The following PPFIA1 variants were observed in gnomAD, a reference collection of about 807,000 sequenced individuals.
The protein encoded by PPFIA1 is liprin-alpha-1.
A neutral mutation model predicts 149.9 loss-of-function variants in PPFIA1; 25 were observed. The ratio of observed to expected loss-of-function variants is 0.17; its 90% confidence interval spans 0.12 to 0.23. PPFIA1 has a LOEUF of 0.23. Ranked by LOEUF, PPFIA1 falls within the 10% of genes least tolerant of loss-of-function variation. The pLI, the probability that PPFIA1 is intolerant of heterozygous loss-of-function variation, is 1.00. For synonymous variants in PPFIA1, 549 were observed against 552.8 expected, an observed-to-expected ratio of 0.99 and a Z score of 0.10; for missense variants, 1,362 against 1,506.5, an observed-to-expected ratio of 0.90 and a Z score of 1.59.
intron 2 of PPFIA1, among the ~76,000 whole-genome samples, chr11:70,323,074 T>C (rs1280474977): frequency 6.6e-6 from 1 of 152,360 alleles, no homozygotes; most frequent in East Asian, 1.9e-4. Flanking sequence ...TCTGGAGGGC[T>C]CCTGCAGCAA....
At chr11:70,306,568 A>G (rs1167384061) in intron 2 of PPFIA1, among the ~76,000 whole-genome samples, 5 of 152,242 alleles carry the variant, frequency 3.3e-5, no homozygotes, top group African/African-American at 2.4e-5. Context: ...GTTTTGTTGT[A>G]TAAATGCTTG....
At chr11:70,354,561 C>A in intron 17 of PPFIA1, 109 bp downstream of exon 17, 1 of 1,215,056 alleles carries the variant, frequency 8.2e-7, no homozygotes, top group Non-Finnish European at 1.1e-6. Flanking sequence ...GTAGAATTAC[C>A]CATTAATTCA....
intron 5 of PPFIA1, among the ~76,000 whole-genome samples, chr11:70,325,802 A>G (rs928878290): frequency 1.3e-5 from 2 of 151,904 alleles, no homozygotes; most frequent in Non-Finnish European, 2.9e-5. Context: ...GAGTTGTGGC[A>G]TGTTCCTTTA....
intron 9 of PPFIA1, among the ~76,000 whole-genome samples, chr11:70,332,668 G>A (rs1384504314): frequency 1.3e-5 from 2 of 152,258 alleles, no homozygotes; most frequent in African/African-American, 4.8e-5. Flanking sequence ...AGCAGCTAAA[G>A]AGGCAAATGC....
At chr11:70,333,442 C>T (rs377638092) in intron 9 of PPFIA1, 28 bp from the exon 10 acceptor site, 72 of 1,564,878 alleles carry the variant, frequency 4.6e-5, no homozygotes, top group Admixed American at 2.2e-4. Flanking sequence ...GTAAGGATGA[C>T]GTCAGCGTAC....
intron 19 of PPFIA1, among the ~76,000 whole-genome samples, chr11:70,357,743 A>G (rs992463632): frequency 5.3e-5 from 8 of 151,950 alleles, no homozygotes; most frequent in Non-Finnish European, 8.8e-5. Context: ...GCCCGCCACC[A>G]CACCCGGCTA....
At chr11:70,306,894 T>C (rs1178602112) in intron 2 of PPFIA1, among the ~76,000 whole-genome samples, 1 of 152,192 alleles carries the variant, frequency 6.6e-6, no homozygotes, top group Admixed American at 6.5e-5. Flanking sequence ...CAGTGAAACG[T>C]CAGAATCCTT....
chr11:70,355,891 G>A (rs1334071852), intron 18 of PPFIA1, 80 bp downstream of exon 18: 16 of 1,513,592 alleles, frequency 1.1e-5, no homozygotes, highest in East Asian at 6.8e-5. Flanking sequence ...CAGTTCCCAC[G>A]CGGTGCTCCA....
intron 14 of PPFIA1, among the ~76,000 whole-genome samples, chr11:70,340,696 G>A (rs1000644334): frequency 9.9e-5 from 15 of 152,042 alleles, no homozygotes; most frequent in African/African-American, 2.2e-4. Context: ...ACAAACAGTC[G>A]ACAGATAGAG....
chr11:70,315,735 A>G (rs1469847664), intron 2 of PPFIA1, among the ~76,000 whole-genome samples: 1 of 132,328 alleles, frequency 7.6e-6, no homozygotes, highest in Non-Finnish European at 1.5e-5. Context: ...TAAAAATACC[A>G]TCATAACCAT....
At chr11:70,348,554 A>G in intron 16 of PPFIA1, 134 bp downstream of exon 16, 1 of 762,158 alleles carries the variant, frequency 1.3e-6, no homozygotes, top group Non-Finnish European at 2.1e-6. Context: ...AAAACTAGTT[A>G]CTATTTAATC....
rs778116748 is a variant in PPFIA1, at chr11:70,326,353, C to T, written c.698C>T (p.Thr233Met). 5.1e-5 allele frequency: 82 copies of T among 1,598,254 alleles called. No homozygotes were observed. Among genetic ancestry groups the T allele is most frequent in the Non-Finnish European group, 6.7e-5 (78 of 1,167,864 alleles). ...CATGAACAAGAAAATACACCAAGCA[C>T]GAGTGGAAAGGCAAGTCTGTAGGCT... ...INHEQENTPS[T>M]SGKRSSDGSL... The change falls in exon 6 of 28, where the codon ACG (threonine) becomes ATG (methionine). Residue 233 changes from threonine (T) to methionine (M), a missense_variant. By Grantham distance (81) the Thr-to-Met change is moderately conservative (BLOSUM62 -1). This residue lies in a region of PPFIA1 where 733 missense variants were observed against 744.1 expected (regional missense o/e 0.99). Coordinates refer to ENST00000253925, the MANE Select transcript of PPFIA1 (RefSeq NM_003626.5).
rs539308630 is a variant in PPFIA1 at position 70,320,135 on chromosome 11, G to A, written c.265-4267G>A. 6.6e-5 allele frequency: 10 copies of A among 152,312 alleles called. No individual in the cohort carries two copies. In the East Asian group the frequency reaches 1.7e-3, roughly 26 times the overall value. 9.4% of individuals were successfully genotyped at this position (152,312 alleles called of 1,614,324 possible). ...ATTTCTTGAAAGAACTGTAACGTCCGATCGAGGTGGAAGCACTCACTTGTG... is the reference window on the plus strand; with the variant it reads ...ATTTCTTGAAAGAACTGTAACGTCCAATCGAGGTGGAAGCACTCACTTGTG... On this transcript the variant is annotated intron_variant, in intron 2 of 27. Coordinates refer to ENST00000253925, the MANE Select transcript of PPFIA1 (RefSeq NM_003626.5).
At chr11:70,276,702 G>A (rs1244637549) in intron 2 of PPFIA1, among the ~76,000 whole-genome samples, 1 of 152,090 alleles carries the variant, frequency 6.6e-6, no homozygotes, top group Non-Finnish European at 1.5e-5. Flanking sequence ...TTTATAGGTA[G>A]ATGTAGGATT....
intron 2 of PPFIA1, among the ~76,000 whole-genome samples, chr11:70,287,625 G>C (rs1004535325): frequency 6.6e-6 from 1 of 151,008 alleles, no homozygotes. Flanking sequence ...CACTACACCC[G>C]GCCTTTTTTT....
At chr11:70,317,179 A>G (rs1180099224) in intron 2 of PPFIA1, among the ~76,000 whole-genome samples, 1 of 152,212 alleles carries the variant, frequency 6.6e-6, no homozygotes, top group Non-Finnish European at 1.5e-5. Context: ...TAAATAGGAA[A>G]AAATGTACAC....
At chr11:70,277,058 A>ATT (rs34038893) in intron 2 of PPFIA1, among the ~76,000 whole-genome samples, 4,955 of 52,234 alleles carry the variant, frequency 0.095, 216 homozygotes, top group African/African-American at 0.15. Context: ...ATATATATAT[A>ATT]TATTTTTTTT....
At chr11:70,328,154 G>A (rs565332457) in intron 7 of PPFIA1, among the ~76,000 whole-genome samples, 56 of 152,222 alleles carry the variant, frequency 3.7e-4, no homozygotes, top group African/African-American at 1.3e-3. Flanking sequence ...TGTCCTGGCG[G>A]TTTGTTTTAC....
chr11:70,324,500 C>T lies in PPFIA1; in HGVS notation c.363C>T (p.Thr121=). The change falls in exon 3 of 28, where the codon ACC becomes ACT. Residue 121 remains threonine (T), a synonymous_variant. Transcript: ENST00000253925. ...IAELKAERNN[T]RLLLEHLECL... ...AACTGAAAGCAGAAAGGAATAACACCAGGGTGAGTGTGACCTTTCTGTTCA... is the reference window on the plus strand; with the variant it reads ...AACTGAAAGCAGAAAGGAATAACACTAGGGTGAGTGTGACCTTTCTGTTCA... 6.2e-7 allele frequency: 1 copy of T among 1,606,702 alleles called. No homozygotes were observed. Among genetic ancestry groups the T allele is most frequent in the Non-Finnish European group, 8.5e-7 (1 of 1,173,448 alleles).
Sources: gnomAD v4.1 joint callset for allele counts (sites outside exome capture counted in the v4.1 genomes callset) on GRCh38, gnomAD v4.1.1 for gene constraint, gnomAD v4.1.1 regional missense constraint, MANE v1.5 for transcripts, NCBI Gene and HGNC (gene_info 2026-07-23, HGNC 2026-07-21) for gene names.